The following APPBP2 variants were observed in gnomAD, a reference collection of about 807,000 sequenced individuals.
The protein encoded by APPBP2 is amyloid protein-binding protein 2.
A neutral mutation model predicts 76.0 loss-of-function variants in APPBP2; 15 were observed. That is an observed-to-expected ratio of 0.20 (90% CI 0.13 to 0.30). APPBP2 has a LOEUF of 0.30. Among genes scored for constraint, APPBP2 ranks in the 10% least tolerant of loss-of-function variants. The pLI, the probability that APPBP2 is intolerant of heterozygous loss-of-function variation, is 1.00. For missense variants in APPBP2, 401 were observed against 687.2 expected (o/e 0.58, Z 4.66); for synonymous variants, 222 against 242.2 (o/e 0.92, Z 0.77).
At chr17:60,515,607 C>T (rs904520971) in intron 1 of APPBP2, among the ~76,000 whole-genome samples, 5 of 152,194 alleles carry the variant, frequency 3.3e-5, no homozygotes, top group African/African-American at 1.2e-4. Context: ...ATAGCGTCTC[C>T]TAACTTTCAA....
At chr17:60,458,851 C>T (rs2090453276) in intron 9 of APPBP2, among the ~76,000 whole-genome samples, 1 of 151,344 alleles carries the variant, frequency 6.6e-6, no homozygotes, top group Admixed American at 6.6e-5. Context: ...TGGCTCACTG[C>T]AACCTCCGAC....
chr17:60,524,610 GAAAAAAA>G (rs35185909), intron 1 of APPBP2, among the ~76,000 whole-genome samples: 637 of 49,918 alleles, frequency 0.013, 3 homozygotes, highest in South Asian at 0.055. Flanking sequence ...TGCTAATTCT[GAAAAAAA>G]AAAAAAAAAA....
intron 12 of APPBP2, among the ~76,000 whole-genome samples, chr17:60,451,465 A>G (rs1246762275): frequency 2.6e-5 from 4 of 151,816 alleles, no homozygotes; most frequent in Non-Finnish European, 1.5e-5. Flanking sequence ...ATATTTTAGT[A>G]TTTTATTTTA....
rs1018963354 is a variant in APPBP2 at position 60,526,149 on chromosome 17, CGGCCAGCCA to C, written c.-227_-219del. 1.5e-4 allele frequency: 83 copies of C among 555,750 alleles called. No individual in the cohort carries two copies. Among genetic ancestry groups the C allele is most frequent in the Admixed American group, 4.1e-4 (13 of 31,874 alleles). 34.4% of individuals were successfully genotyped at this position (555,750 alleles called of 1,614,324 possible). ...GAGTAAAAAGTGGGACAGAAAACAG[CGGCCAGCCA>C]GGCCAAAAGCGTCACAATCCCGGTT... On this transcript the variant is annotated 5_prime_UTR_variant, in exon 1 of 13. Coordinates refer to ENST00000083182, the MANE Select transcript of APPBP2 (RefSeq NM_006380.5).
intron 9 of APPBP2, 150 bp downstream of exon 9, chr17:60,460,513 G>A: frequency 2.7e-6 from 2 of 746,202 alleles, no homozygotes; most frequent in Non-Finnish European, 3.9e-6. Flanking sequence ...GAACATTTTA[G>A]GCATTCTGAT....
chr17:60,496,285 T>C (rs925021402), intron 2 of APPBP2: 4 of 152,234 alleles, frequency 2.6e-5, no homozygotes, highest in African/African-American at 9.6e-5. Context: ...GTGAATTTTA[T>C]AGTGTGTGAA....
chr17:60,449,460 G>C (rs774145513), intron 12 of APPBP2, among the ~76,000 whole-genome samples: 4 of 152,152 alleles, frequency 2.6e-5, no homozygotes, highest in Non-Finnish European at 5.9e-5. Flanking sequence ...TCCAGGTGTG[G>C]TGGTGTGCAT....
At chr17:60,517,206 A>AT in intron 1 of APPBP2, among the ~76,000 whole-genome samples, 1 of 152,020 alleles carries the variant, frequency 6.6e-6, no homozygotes, top group East Asian at 1.9e-4. Flanking sequence ...TGAACTCCTG[A>AT]CCTCAGGTGA....
Position 60,526,013 on chromosome 17 carries a change from C to T in APPBP2, c.-82G>A. On this transcript the variant is annotated 5_prime_UTR_variant, in exon 1 of 13. Coordinates refer to ENST00000083182, the MANE Select transcript of APPBP2 (RefSeq NM_006380.5). ...CCTCCGTAGCGAACCCCTCTGCGGCCCCGGAGGATTCGGAGGGGCGGTGGC... is the reference window on the plus strand; with the variant it reads ...CCTCCGTAGCGAACCCCTCTGCGGCTCCGGAGGATTCGGAGGGGCGGTGGC... 3 of 1,397,532 alleles carry T rather than the reference C, an allele frequency of 2.1e-6. No individual in the cohort carries two copies. Among genetic ancestry groups the T allele is most frequent in the Non-Finnish European group, 1.9e-6 (2 of 1,033,846 alleles). The allele number at this position is 1,397,532 out of a possible 1,614,324, so 86.6% of individuals were successfully genotyped here. A position where few individuals can be genotyped will look rare whatever the true frequency, so the allele number is the denominator to read the frequency against.
chr17:60,470,112 G>C (rs1260150706), intron 4 of APPBP2, among the ~76,000 whole-genome samples: 1 of 151,718 alleles, frequency 6.6e-6, no homozygotes, highest in Non-Finnish European at 1.5e-5. Flanking sequence ...ACCCATCTTG[G>C]TAGGAATAAA....
Position 60,444,321 on chromosome 17 carries a change from A to T in APPBP2, c.*3260T>A, listed in dbSNP as rs567147760. On this transcript the variant is annotated 3_prime_UTR_variant, in exon 13 of 13. Coordinates refer to ENST00000083182, the MANE Select transcript of APPBP2 (RefSeq NM_006380.5). Reference sequence around the variant, plus strand: ...TTCTAGGGAAAACATAAAAAGTGGCAGTTAATGATACCTGTTATGAGCAAA... The same window carrying T: ...TTCTAGGGAAAACATAAAAAGTGGCTGTTAATGATACCTGTTATGAGCAAA... 7 of 152,572 alleles carry T rather than the reference A, an allele frequency of 4.6e-5. No individual in the cohort carries two copies. In the South Asian group the frequency reaches 1.0e-3, roughly 23 times the overall value. The allele number at this position is 152,572 out of a possible 1,614,324, so 9.5% of individuals were successfully genotyped here. A position where few individuals can be genotyped will look rare whatever the true frequency, so the allele number is the denominator to read the frequency against.
intron 3 of APPBP2, among the ~76,000 whole-genome samples, chr17:60,488,750 A>G (rs2090701859): frequency 6.6e-6 from 1 of 152,184 alleles, no homozygotes; most frequent in African/African-American, 2.4e-5. Flanking sequence ...GAGGACCTCA[A>G]TGAACACTAG....
In APPBP2 at chr17:60,446,405, C is replaced by T. The variant is rs1339342346; in HGVS notation, c.*1176G>A. 1 of 152,214 alleles carries T rather than the reference C, an allele frequency of 6.6e-6. No individual in the cohort carries two copies. Among genetic ancestry groups the T allele is most frequent in the African/African-American group, 2.4e-5 (1 of 41,438 alleles). 9.4% of individuals were successfully genotyped at this position (152,214 alleles called of 1,614,324 possible). On this transcript the variant is annotated 3_prime_UTR_variant, in exon 13 of 13. Transcript: ENST00000083182. ...ATTATTAGGGGATCTTTCCATTTGACTCCTAGATTTCAAATGAAATGACCT... is the reference window on the plus strand; with the variant it reads ...ATTATTAGGGGATCTTTCCATTTGATTCCTAGATTTCAAATGAAATGACCT...
intron 3 of APPBP2, among the ~76,000 whole-genome samples, chr17:60,490,585 C>T (rs1188888597): frequency 2.0e-5 from 3 of 152,180 alleles, no homozygotes; most frequent in Non-Finnish European, 4.4e-5. Flanking sequence ...AGGAAGACTG[C>T]TTGAGCCCAA....
At position 60,466,333 on chromosome 17, in the gene APPBP2, T is replaced by C; in HGVS notation, c.630A>G (p.Gly210=). Residue 210 remains glycine, a synonymous_variant, in exon 5 of 13, where the codon GGA becomes GGG. Coordinates refer to ENST00000083182, the MANE Select transcript of APPBP2 (RefSeq NM_006380.5). ...TTGCAAATAGGAGTGCACACAGTTC[T>C]CCATAGAGTGCAGCTTTATTTGCTT... ...GQQANKAALY[G]ELCALLFAKS... 1 of 1,614,068 alleles carries C rather than the reference T, an allele frequency of 6.2e-7. No homozygotes were observed. The highest frequency in any genetic ancestry group is 1.3e-5 in the African/African-American group (1 of 75,056).
At position 60,466,225 on chromosome 17, in the gene APPBP2, T is replaced by C. The variant is rs2090509654; in HGVS notation, c.672+66A>G. The C allele has an allele frequency of 4.2e-6, 6 of 1,432,506 alleles. No homozygotes were observed. The African/African-American group carries it at 7.1e-5, about 17-fold the overall frequency. 88.7% of individuals were successfully genotyped at this position (1,432,506 alleles called of 1,614,324 possible). ...CTGTAAGAAAAATAAGAGAAGACTA[T>C]TTGATTTACCCTCTGTTTTTATAGG... is the stretch of plus-strand genomic sequence containing the variant. On this transcript the variant is annotated intron_variant, in intron 5 of 12. Transcript: ENST00000083182.
chr17:60,504,542 T>G (rs551659513), intron 1 of APPBP2, among the ~76,000 whole-genome samples: 2 of 152,130 alleles, frequency 1.3e-5, no homozygotes, highest in South Asian at 4.1e-4. Context: ...TGGTAAAAAA[T>G]TATATCATAG....
intron 3 of APPBP2, among the ~76,000 whole-genome samples, chr17:60,490,521 T>G (rs1050940180): frequency 6.6e-6 from 1 of 152,058 alleles, no homozygotes. Context: ...AAATAAAAAT[T>G]AGCTGTGTAT....
chr17:60,489,586 G>A (rs556046932), intron 3 of APPBP2, among the ~76,000 whole-genome samples: 1 of 148,322 alleles, frequency 6.7e-6, no homozygotes, highest in South Asian at 2.1e-4. Context: ...ACTCCAGTCT[G>A]GGCGACAGAG....
Sources: gnomAD v4.1 joint callset for allele counts (sites outside exome capture counted in the v4.1 genomes callset) on GRCh38, gnomAD v4.1.1 for gene constraint, MANE v1.5 for transcripts, NCBI Gene and HGNC (gene_info 2026-07-23, HGNC 2026-07-21) for gene names.